Variants in SLC1A2 observed in about 807,000 individuals in gnomAD.
SLC1A2 encodes the protein excitatory amino acid transporter 2.
A neutral mutation model predicts 48.8 loss-of-function variants in SLC1A2; 15 were observed. The ratio of observed to expected loss-of-function variants is 0.31; its 90% confidence interval spans 0.21 to 0.47. The LOEUF (loss-of-function observed/expected upper bound fraction) is 0.47. SLC1A2 is among the 20% of genes least tolerant of loss of function. The pLI, the probability that SLC1A2 is intolerant of heterozygous loss-of-function variation, is 0.99. For missense variants in SLC1A2, 502 were observed against 730.5 expected (o/e 0.69, Z 3.61); for synonymous variants, 279 against 272.6 (o/e 1.02, Z -0.23).
At chr11:35,337,052 GAA>G (rs1329052532) in intron 1 of SLC1A2, among the ~76,000 whole-genome samples, 1 of 151,934 alleles carries the variant, frequency 6.6e-6, no homozygotes, top group Non-Finnish European at 1.5e-5. Flanking sequence ...TAAATTTGGG[GAA>G]AAAAAGAGCT....
chr11:35,288,854 C>T (rs919138508), intron 7 of SLC1A2, among the ~76,000 whole-genome samples: 6 of 148,218 alleles, frequency 4.0e-5, no homozygotes, highest in Admixed American at 1.4e-4. Context: ...ACAATTAAGT[C>T]GACTGGGAAA....
chr11:35,304,199 G>C (rs566545363), intron 5 of SLC1A2, among the ~76,000 whole-genome samples: 1 of 152,130 alleles, frequency 6.6e-6, no homozygotes, highest in East Asian at 1.9e-4. Flanking sequence ...CCCCAGTAGA[G>C]CCAAAGGTCC....
At chr11:35,411,459 G>A (rs1233843115) in intron 1 of SLC1A2, among the ~76,000 whole-genome samples, 1 of 152,018 alleles carries the variant, frequency 6.6e-6, no homozygotes, top group Non-Finnish European at 1.5e-5. Context: ...AATTTTTTTA[G>A]AGACAGGATC....
At chr11:35,382,770 T>G (rs1015405964) in intron 1 of SLC1A2, among the ~76,000 whole-genome samples, 2 of 151,308 alleles carry the variant, frequency 1.3e-5, no homozygotes, top group African/African-American at 4.9e-5. Context: ...CACTCCAGCT[T>G]GGGCAACAGA....
chr11:35,342,042 T>C (rs557322736), intron 1 of SLC1A2, among the ~76,000 whole-genome samples: 207 of 152,316 alleles, frequency 1.4e-3, no homozygotes, highest in African/African-American at 4.7e-3. Context: ...TGGAAAGAAA[T>C]TCTGGAAAGA....
chr11:35,391,239 T>C (rs959819984), intron 1 of SLC1A2: 20 of 152,352 alleles, frequency 1.3e-4, no homozygotes, highest in Admixed American at 7.8e-4. Context: ...CTCATTATGA[T>C]ACAGACTGTA....
At chr11:35,353,692 T>C (rs1002911718) in intron 1 of SLC1A2, among the ~76,000 whole-genome samples, 1 of 152,226 alleles carries the variant, frequency 6.6e-6, no homozygotes, top group Non-Finnish European at 1.5e-5. Context: ...GGACATGAGC[T>C]AGACCTTCAG....
intron 1 of SLC1A2, among the ~76,000 whole-genome samples, chr11:35,333,827 ATT>A (rs373988431): frequency 0.28 from 35,195 of 125,210 alleles, 2,798 homozygotes; most frequent in South Asian, 0.44. Context: ...ATGCCAGCTA[ATT>A]TTTTTTTTTT....
chr11:35,305,973 C>T lies in SLC1A2; in HGVS notation c.730+101G>A, dbSNP rs932494479. ...TGCTCCCCAGAGAGAGCCTCCTGCT[C>T]CACCTAGAGGACAGCTGAGTCATCA... On this transcript the variant is annotated intron_variant, in intron 5 of 10. Coordinates refer to ENST00000278379, the MANE Select transcript of SLC1A2 (RefSeq NM_004171.4). The T allele has an allele frequency of 3.5e-5, 37 of 1,049,422 alleles. No individual in the cohort carries two copies. In the African/African-American group the frequency reaches 5.4e-4, roughly 15 times the overall value. The allele number at this position is 1,049,422 out of a possible 1,614,324, so 65.0% of individuals were successfully genotyped here. A position where few individuals can be genotyped will look rare whatever the true frequency, so the allele number is the denominator to read the frequency against.
chr11:35,417,936 T>C (rs777193201), intron 1 of SLC1A2, among the ~76,000 whole-genome samples: 18 of 152,210 alleles, frequency 1.2e-4, no homozygotes, highest in Non-Finnish European at 2.5e-4. Context: ...ACACCACCAC[T>C]TGAGCCCAGA....
chr11:35,280,719 C>A (rs1259760849), intron 9 of SLC1A2, 148 bp downstream of exon 9: 1 of 553,130 alleles, frequency 1.8e-6, no homozygotes. Context: ...TCAAATAGGT[C>A]CTCAGTAAAT....
At chr11:35,388,660 G>T (rs1854658278) in intron 1 of SLC1A2, among the ~76,000 whole-genome samples, 1 of 152,182 alleles carries the variant, frequency 6.6e-6, no homozygotes, top group Admixed American at 6.5e-5. Flanking sequence ...CTCCCAAAGT[G>T]CTGGGATTAC....
chr11:35,262,069 C>T (rs1053760050), intron 10 of SLC1A2, among the ~76,000 whole-genome samples: 12 of 152,200 alleles, frequency 7.9e-5, no homozygotes, highest in Non-Finnish European at 4.4e-5. Flanking sequence ...TTTGAATACA[C>T]AGACCAACAA....
At chr11:35,385,544 C>T (rs1221154423) in intron 1 of SLC1A2, among the ~76,000 whole-genome samples, 5 of 152,190 alleles carry the variant, frequency 3.3e-5, no homozygotes, top group Admixed American at 3.3e-4. Context: ...TTTCTCAGAA[C>T]ACCTTACAGC....
At position 35,251,522 on chromosome 11, in the gene SLC1A2, C is replaced by G. The variant is rs563223566; in HGVS notation, c.*9372G>C. ...TTAAACACTATGTGCTATAGATGCT[C>G]TGTGCTACGTGACTTCAGACCAATG... On this transcript the variant is annotated 3_prime_UTR_variant, in exon 11 of 11. Coordinates refer to ENST00000278379, the MANE Select transcript of SLC1A2 (RefSeq NM_004171.4). 6.6e-6 allele frequency: 1 copy of G among 152,576 alleles called. No individual in the cohort carries two copies. Among genetic ancestry groups the G allele is most frequent in the East Asian group, 1.9e-4 (1 of 5,190 alleles). 9.5% of individuals were successfully genotyped at this position (152,576 alleles called of 1,614,324 possible). A position where few individuals can be genotyped will look rare whatever the true frequency, so the allele number is the denominator to read the frequency against.
intron 1 of SLC1A2, among the ~76,000 whole-genome samples, chr11:35,395,368 G>A (rs1854920256): frequency 6.6e-6 from 1 of 151,878 alleles, no homozygotes; most frequent in Non-Finnish European, 1.5e-5. Flanking sequence ...AAGCTCTGGG[G>A]AATTAAGGGA....
chr11:35,268,672 A>AAAAG (rs1193488345), intron 9 of SLC1A2, among the ~76,000 whole-genome samples: 1 of 152,028 alleles, frequency 6.6e-6, no homozygotes, highest in South Asian at 2.1e-4. Flanking sequence ...CAAAAAAAAA[A>AAAAG]AAAGAAAGAA....
At chr11:35,312,479 T>C (rs760911534) in intron 3 of SLC1A2, 31 bp from the exon 4 acceptor site, 1 of 1,611,336 alleles carries the variant, frequency 6.2e-7, no homozygotes, top group South Asian at 1.1e-5. Context: ...GAAGGATTAA[T>C]TCTATTACGT....
At chr11:35,381,746 C>T (rs1047639622) in intron 1 of SLC1A2, among the ~76,000 whole-genome samples, 2 of 152,176 alleles carry the variant, frequency 1.3e-5, no homozygotes, top group Non-Finnish European at 2.9e-5. Context: ...GAAATTCCAA[C>T]CTGATCCTAC....
Sources: gnomAD v4.1 joint callset for allele counts (sites outside exome capture counted in the v4.1 genomes callset) on GRCh38, gnomAD v4.1.1 for gene constraint, MANE v1.5 for transcripts, NCBI Gene and HGNC (gene_info 2026-07-23, HGNC 2026-07-21) for gene names.